MED12L: variants seen among roughly 807,000 people sequenced by gnomAD.
MED12L encodes the protein mediator complex subunit 12L.
A neutral mutation model predicts 281.3 loss-of-function variants in MED12L; 60 were observed. That is an observed-to-expected ratio of 0.21 (90% CI 0.17 to 0.26). The LOEUF (loss-of-function observed/expected upper bound fraction) is 0.26, where lower values mean the gene tolerates loss of function less well. MED12L is among the 10% of genes least tolerant of loss of function. The pLI, the probability that MED12L is intolerant of heterozygous loss-of-function variation, is 1.00. For missense variants in MED12L, 2,146 were observed against 2,680.9 expected, an observed-to-expected ratio of 0.80 and a Z score of 4.41; for synonymous variants, 974 against 987.2, an observed-to-expected ratio of 0.99 and a Z score of 0.25.
At chr3:151,406,827 G>T (rs1396902856) in intron 39 of MED12L, among the ~76,000 whole-genome samples, 2 of 145,128 alleles carry the variant, frequency 1.4e-5, no homozygotes. Context: ...TTGAGATAGG[G>T]TCTCATTCTG....
intron 2 of MED12L, among the ~76,000 whole-genome samples, chr3:151,113,189 G>A (rs1234030595): frequency 1.3e-5 from 2 of 152,150 alleles, no homozygotes; most frequent in Non-Finnish European, 2.9e-5. Flanking sequence ...TGAAATTTGA[G>A]CAAAAAGTTA....
intron 43 of MED12L, among the ~76,000 whole-genome samples, chr3:151,428,012 G>A (rs911881614): frequency 1.3e-5 from 2 of 152,142 alleles, no homozygotes; most frequent in Non-Finnish European, 2.9e-5. Context: ...ATAGACATGA[G>A]GCTCTTTTCA....
At chr3:151,141,117 T>C (rs1162068781) in intron 5 of MED12L, among the ~76,000 whole-genome samples, 1 of 151,912 alleles carries the variant, frequency 6.6e-6, no homozygotes, top group Non-Finnish European at 1.5e-5. Flanking sequence ...TCCACCTGCC[T>C]TGGCCTCCCA....
At chr3:151,303,922 T>C (rs747804179) in intron 16 of MED12L, among the ~76,000 whole-genome samples, 2 of 152,116 alleles carry the variant, frequency 1.3e-5, no homozygotes, top group Non-Finnish European at 2.9e-5. Context: ...AATAATGTCA[T>C]GTGAACCAAA....
intron 5 of MED12L, among the ~76,000 whole-genome samples, chr3:151,154,176 C>T (rs535243408): frequency 2.6e-5 from 4 of 152,114 alleles, no homozygotes; most frequent in African/African-American, 7.2e-5. Context: ...TTTACTAATC[C>T]GCATCCACTC....
rs1328112567 is a variant in MED12L at position 151,365,216 on chromosome 3, G to A, written c.3185+10G>A. The A allele has an allele frequency of 3.1e-6, 5 of 1,604,492 alleles. No homozygotes were observed. In the African/African-American group the frequency reaches 5.4e-5, roughly 17 times the overall value. ...ATCAGGATGCTGGCAGGTGAGATGG[G>A]TTACCCTGGAATTCATGATTAACCA... is the stretch of plus-strand genomic sequence containing the variant. On this transcript the variant is annotated intron_variant, in intron 22 of 44. Coordinates refer to ENST00000687756, the MANE Select transcript of MED12L (RefSeq NM_001393769.1).
At chr3:151,313,526 T>A (rs551009568) in intron 16 of MED12L, among the ~76,000 whole-genome samples, 23 of 147,800 alleles carry the variant, frequency 1.6e-4, no homozygotes, top group Non-Finnish European at 3.0e-4. Context: ...AATTTATACC[T>A]TAAGGTTGTC....
intron 16 of MED12L, among the ~76,000 whole-genome samples, chr3:151,319,508 G>C (rs1748739853): frequency 8.7e-6 from 1 of 114,640 alleles, no homozygotes; most frequent in South Asian, 2.7e-4. Flanking sequence ...TGTGTGTGTC[G>C]GCCACCAGAA....
At chr3:151,386,604 T>G (rs1713407762) in intron 36 of MED12L, among the ~76,000 whole-genome samples, 1 of 142,654 alleles carries the variant, frequency 7.0e-6, no homozygotes, top group Non-Finnish European at 1.5e-5. Flanking sequence ...CAAGACAGAG[T>G]CTTGCTCTGT....
chr3:151,393,508 C>A (rs941018170), intron 38 of MED12L, among the ~76,000 whole-genome samples: 1 of 150,656 alleles, frequency 6.6e-6, no homozygotes, highest in African/African-American at 2.4e-5. Flanking sequence ...CCCCCACAAC[C>A]CCCCCTCCCA....
intron 27 of MED12L, among the ~76,000 whole-genome samples, chr3:151,374,818 CA>C (rs1392273964): frequency 1.3e-5 from 2 of 152,086 alleles, no homozygotes; most frequent in Non-Finnish European, 2.9e-5. Context: ...TGAAACTATA[CA>C]AAAAAGTATA....
At chr3:151,394,955 C>A in intron 39 of MED12L, 88 bp downstream of exon 39, 6 of 1,532,890 alleles carry the variant, frequency 3.9e-6, no homozygotes, top group Non-Finnish European at 5.3e-6. Flanking sequence ...CATATTCTTT[C>A]TGTATGCATA....
At chr3:151,131,736 AAT>A (rs1715424791) in intron 5 of MED12L, among the ~76,000 whole-genome samples, 2 of 11,042 alleles carry the variant, frequency 1.8e-4, no homozygotes, top group Non-Finnish European at 4.9e-4. Flanking sequence ...TCCCCTACTA[AAT>A]GGAGAAATGG....
intron 16 of MED12L, among the ~76,000 whole-genome samples, chr3:151,229,556 G>A (rs1389751908): frequency 7.4e-6 from 1 of 134,378 alleles, no homozygotes; most frequent in Non-Finnish European, 1.5e-5. Flanking sequence ...TTGGCTCACT[G>A]CAAGATCCGC....
At chr3:151,171,249 C>T (rs1334227488) in intron 11 of MED12L, among the ~76,000 whole-genome samples, 1 of 152,180 alleles carries the variant, frequency 6.6e-6, no homozygotes, top group Non-Finnish European at 1.5e-5. Context: ...CTGAGCCTGT[C>T]ACTTGTGACC....
intron 37 of MED12L, among the ~76,000 whole-genome samples, chr3:151,389,670 C>G (rs550018372): frequency 1.3e-5 from 2 of 152,284 alleles, no homozygotes; most frequent in African/African-American, 4.8e-5. Flanking sequence ...GGTGCTTTTT[C>G]AGTGATGAGT....
In MED12L at chr3:151,368,010, A is replaced by G. The variant is rs1755501452; in HGVS notation, c.3449-140A>G. The G allele has an allele frequency of 3.6e-6, 3 of 833,202 alleles. No homozygotes were observed. The South Asian group carries it at 5.6e-5, about 15-fold the overall frequency. The allele number at this position is 833,202 out of a possible 1,614,324, so 51.6% of individuals were successfully genotyped here. A position where few individuals can be genotyped will look rare whatever the true frequency, so the allele number is the denominator to read the frequency against. On this transcript the variant is annotated intron_variant, in intron 24 of 44. Transcript: ENST00000687756. ...AAGGAAGCACCAAGATTTCTCAGAA[A>G]AATAGCCAGGGCCTTATTTTCTTAC...
At chr3:151,171,376 A>G (rs1273399777) in intron 11 of MED12L, among the ~76,000 whole-genome samples, 1 of 152,152 alleles carries the variant, frequency 6.6e-6, no homozygotes, top group Non-Finnish European at 1.5e-5. Context: ...AGGCAGCTGC[A>G]TCTTTAGGGT....
At position 151,164,488 on chromosome 3, in the gene MED12L, C is replaced by T. The variant is rs1052619282; in HGVS notation, c.1257+446C>T. ...TAGAAATACCATTTGACCCAGCCAT[C>T]CCATTACTGGGTATATACCCAAAGG... On this transcript the variant is annotated intron_variant, in intron 9 of 44. Transcript: ENST00000687756. Among the ~76,000 whole-genome samples, 3 of 152,154 alleles carry T rather than the reference C, an allele frequency of 2.0e-5. No individual in the cohort carries two copies. In the South Asian group the frequency reaches 6.2e-4, roughly 32 times the overall value.
Sources: allele counts gnomAD v4.1 joint callset (sites outside exome capture counted in the v4.1 genomes callset), GRCh38; gene constraint gnomAD v4.1.1; transcripts MANE v1.5; gene names NCBI Gene and HGNC (gene_info 2026-07-23, HGNC 2026-07-21).